Variants in NGEF observed in about 807,000 individuals in gnomAD.
The protein encoded by NGEF is neuronal guanine nucleotide exchange factor, also known as ephexin-1.
A neutral mutation model predicts 80.9 loss-of-function variants in NGEF; 31 were observed. The ratio of observed to expected loss-of-function variants is 0.38; its 90% CI spans 0.29 to 0.52. NGEF has a LOEUF of 0.52. Ranked by LOEUF, NGEF falls within the 20% of genes least tolerant of loss-of-function variation. The pLI is 0.84. For synonymous variants in NGEF, 371 were observed against 370.2 expected, an observed-to-expected ratio of 1.00 and a Z score of -0.03; for missense variants, 709 against 926.2, an observed-to-expected ratio of 0.77 and a Z score of 3.04.
chr2:232,929,279 G>C (rs1256858096), intron 3 of NGEF, among the ~76,000 whole-genome samples: 2 of 152,248 alleles, frequency 1.3e-5, no homozygotes, highest in African/African-American at 2.4e-5. Flanking sequence ...CAGCGGTGCA[G>C]TTACTCGTTA....
At position 232,883,472 on chromosome 2, in the gene NGEF, G is replaced by T. The variant is rs1159270021; in HGVS notation, c.1602-6C>A. The T allele has an allele frequency of 6.3e-7, 1 of 1,583,438 alleles. No individual in the cohort carries two copies. The highest frequency in any genetic ancestry group is 2.3e-5 in the East Asian group (1 of 43,704). On this transcript the variant is annotated splice_region_variant and splice_polypyrimidine_tract_variant and intron_variant, in intron 11 of 14. Coordinates refer to ENST00000264051, the MANE Select transcript of NGEF (RefSeq NM_019850.3). Reference sequence around the variant, plus strand: ...CAAATACCTGGTACTTGTCTCTGGAGATCAGGGAGAAGGGCAGGCGTGTCA... The same window carrying T: ...CAAATACCTGGTACTTGTCTCTGGATATCAGGGAGAAGGGCAGGCGTGTCA...
At chr2:232,880,236 C>T (rs1377072124) in intron 14 of NGEF, among the ~76,000 whole-genome samples, 2 of 152,204 alleles carry the variant, frequency 1.3e-5, no homozygotes. Context: ...GTAGTCTCAG[C>T]GTCAACTGGC....
intron 5 of NGEF, among the ~76,000 whole-genome samples, chr2:232,905,422 G>A (rs553628096): frequency 6.6e-6 from 1 of 152,338 alleles, no homozygotes; most frequent in African/African-American, 2.4e-5. Context: ...TGCCCAGGCT[G>A]GAGTGCAGTG....
At position 232,995,364 on chromosome 2, in the gene NGEF, T is replaced by A. The variant is rs111214877; in HGVS notation, c.-75+17704A>T. 6.9e-4 allele frequency among the ~76,000 whole-genome samples: 3 copies of A among 4,366 alleles called. 1 individual carries two copies. The highest frequency in any genetic ancestry group is 2.8e-3 in the African/African-American group (3 of 1,072). The allele number at this position is 4,366 out of a possible 152,430, so 2.9% of individuals were successfully genotyped here. A position where few individuals can be genotyped will look rare whatever the true frequency, so the allele number is the denominator to read the frequency against. ...TATATACAGTATGTATACTGTATAC[T>A]GTATATATATACACAGTATGTATAC... On this transcript the variant is annotated intron_variant, in intron 1 of 14. Transcript: ENST00000264051.
chr2:232,976,085 C>T lies in NGEF; in HGVS notation c.-74-1121G>A, dbSNP rs2106324811. Among the ~76,000 whole-genome samples, 4 of 152,208 alleles carry T rather than the reference C, an allele frequency of 2.6e-5. 1 individual carries two copies. In the Middle Eastern group the frequency reaches 0.01, roughly 388 times the overall value. On this transcript the variant is annotated intron_variant, in intron 1 of 14. Transcript: ENST00000264051. ...GTTTGGTGGCACATGCCTGTAGTCCCAGCTTCTCGGGAGGCTGAGGCAGGA... is the reference window on the plus strand; with the variant it reads ...GTTTGGTGGCACATGCCTGTAGTCCTAGCTTCTCGGGAGGCTGAGGCAGGA...
chr2:232,999,164 G>A (rs1694919309), intron 1 of NGEF, among the ~76,000 whole-genome samples: 1 of 152,050 alleles, frequency 6.6e-6, no homozygotes, highest in African/African-American at 2.4e-5. Context: ...AGATTATGAT[G>A]ATGGGCATGG....
chr2:232,929,093 GC>G (rs1334335891), intron 3 of NGEF, among the ~76,000 whole-genome samples: 1 of 152,218 alleles, frequency 6.6e-6, no homozygotes, highest in Non-Finnish European at 1.5e-5. Context: ...ACCTGGGTGG[GC>G]CCTTGGGTGA....
chr2:232,881,631 G>C (rs1691508129), intron 13 of NGEF, among the ~76,000 whole-genome samples: 1 of 152,098 alleles, frequency 6.6e-6, no homozygotes, highest in African/African-American at 2.4e-5. Context: ...CTGTCACCAG[G>C]CTGGAGTGCA....
intron 5 of NGEF, among the ~76,000 whole-genome samples, chr2:232,910,246 G>T (rs1484663311): frequency 6.6e-6 from 1 of 151,638 alleles, no homozygotes; most frequent in Non-Finnish European, 1.5e-5. Flanking sequence ...GTGGGAGGGG[G>T]GTGGATGAAA....
At chr2:232,917,026 C>T (rs1692818421) in intron 5 of NGEF, among the ~76,000 whole-genome samples, 1 of 152,244 alleles carries the variant, frequency 6.6e-6, no homozygotes, top group Non-Finnish European at 1.5e-5. Context: ...GATGCACCCA[C>T]TGTCACTTGC....
At position 232,974,691 on chromosome 2, in the gene NGEF, C is replaced by G. The variant is rs776864089; in HGVS notation, c.200G>C (p.Arg67Pro). The G allele has an allele frequency of 6.2e-7, 1 of 1,614,080 alleles. No homozygotes were observed. Among genetic ancestry groups the G allele is most frequent in the Non-Finnish European group, 8.5e-7 (1 of 1,180,052 alleles). ...GGCTTTGCTTTTGCGTCTTATGGAG[C>G]GATTGAAGATGGAATTTCTCTTAAT... Reference protein sequence around the residue: ...IPIKRNSIFNRSIRRKSKAKA... With the variant: ...IPIKRNSIFNPSIRRKSKAKA... Residue 67 changes from arginine to proline, a missense_variant, in exon 2 of 15, where the codon CGC (arginine) becomes CCC (proline). By Grantham distance (103) the Arg-to-Pro change is moderately radical. This residue lies in a region of NGEF where 283 missense variants were observed against 303.4 expected (regional missense o/e 0.93). Transcript: ENST00000264051.
intron 5 of NGEF, among the ~76,000 whole-genome samples, chr2:232,918,800 T>C (rs557816545): frequency 1.6e-4 from 24 of 152,086 alleles, no homozygotes; most frequent in South Asian, 1.5e-3. Flanking sequence ...AGCTAACTTT[T>C]GTATTTTTAG....
At chr2:232,969,688 A>G (rs1243190759) in intron 3 of NGEF, among the ~76,000 whole-genome samples, 1 of 150,796 alleles carries the variant, frequency 6.6e-6, no homozygotes, top group Non-Finnish European at 1.5e-5. Context: ...TGTTTTTTGT[A>G]TTTTTAGTAG....
chr2:232,972,744 CTTTT>C (rs61594239), intron 2 of NGEF, among the ~76,000 whole-genome samples: 2 of 123,320 alleles, frequency 1.6e-5, no homozygotes, highest in African/African-American at 5.7e-5. Context: ...TGTCCTTATC[CTTTT>C]TTTTTTTTTT....
At chr2:232,951,022 C>A (rs1218563173) in intron 3 of NGEF, among the ~76,000 whole-genome samples, 2 of 152,206 alleles carry the variant, frequency 1.3e-5, no homozygotes, top group Non-Finnish European at 2.9e-5. Flanking sequence ...CGGCGTCCGG[C>A]ATGCGGCTGG....
At chr2:232,887,808 G>A (rs942242805) in intron 9 of NGEF, among the ~76,000 whole-genome samples, 4 of 152,244 alleles carry the variant, frequency 2.6e-5, no homozygotes, top group East Asian at 3.8e-4. Flanking sequence ...CGGTGAGTAC[G>A]TAAGGCTGGA....
chr2:232,900,617 C>CAT lies in NGEF; in HGVS notation c.829-5702_829-5701insAT, dbSNP rs1559200194. ...TCATATACACGTTCACTCACATACA[C>CAT]ACACGCTCTCACAGTCACTCATATA... On this transcript the variant is annotated intron_variant, in intron 5 of 14. Coordinates refer to ENST00000264051, the MANE Select transcript of NGEF (RefSeq NM_019850.3). Among the ~76,000 whole-genome samples the CAT allele has an allele frequency of 3.2e-4, 48 of 147,814 alleles. 3 individuals carry two copies. Among genetic ancestry groups the CAT allele is most frequent in the Non-Finnish European group, 4.8e-4 (32 of 66,788 alleles).
Position 232,879,181 on chromosome 2 carries a change from T to C in NGEF, c.*308A>G, listed in dbSNP as rs897221982. 11 of 261,718 alleles carry C rather than the reference T, an allele frequency of 4.2e-5. No individual in the cohort carries two copies. Among genetic ancestry groups the C allele is most frequent in the Middle Eastern group, 1.1e-3 (1 of 902 alleles). The allele number at this position is 261,718 out of a possible 1,614,324, so 16.2% of individuals were successfully genotyped here. ...TTCCAGTCCCTGGGGGCCAGGGGCA[T>C]GGGGGGCCCTGGAGTGTGCCCACCC... On this transcript the variant is annotated 3_prime_UTR_variant, in exon 15 of 15. Transcript: ENST00000264051.
In NGEF at chr2:233,007,333, G is replaced by T. The variant is rs182458308; in HGVS notation, c.-75+5735C>A. ...CTTTAACGATCACAGAGTATTTGGA[G>T]GGGGAACAAAGGTAGATAATGGCCC... is the stretch of plus-strand genomic sequence containing the variant. On this transcript the variant is annotated intron_variant, in intron 1 of 14. Coordinates refer to ENST00000264051, the MANE Select transcript of NGEF (RefSeq NM_019850.3). Among the ~76,000 whole-genome samples, 4 of 152,304 alleles carry T rather than the reference G, an allele frequency of 2.6e-5. No individual in the cohort carries two copies. In the East Asian group the frequency reaches 7.7e-4, roughly 29 times the overall value.
Sources: allele counts gnomAD v4.1 joint callset (sites outside exome capture counted in the v4.1 genomes callset), GRCh38; gene constraint gnomAD v4.1.1; regional missense constraint gnomAD v4.1.1; transcripts MANE v1.5; gene names NCBI Gene and HGNC (gene_info 2026-07-23, HGNC 2026-07-21).